The following PLCXD3 variants were observed in gnomAD, a reference collection of about 807,000 sequenced individuals.
PLCXD3 encodes phosphatidylinositol specific phospholipase C X domain containing 3, also known as PI-PLC X domain-containing protein 3.
Under a neutral mutation model 25.5 loss-of-function variants are expected in PLCXD3, and 19 were observed. That is an observed-to-expected ratio of 0.75 (90% CI 0.52 to 1.09). The LOEUF (loss-of-function observed/expected upper bound fraction) is 1.09. Among genes scored for constraint, PLCXD3 ranks in the 50% least tolerant of loss-of-function variants. PLCXD3 has a pLI of 0.00. For synonymous variants in PLCXD3, 174 were observed against 137.6 expected, an observed-to-expected ratio of 1.26 and a Z score of -1.85; for missense variants, 411 against 388.1, an observed-to-expected ratio of 1.06 and a Z score of -0.50.
intron 2 of PLCXD3, among the ~76,000 whole-genome samples, chr5:41,369,036 CAT>C (rs1374758273): frequency 3.3e-5 from 5 of 152,134 alleles, no homozygotes; most frequent in African/African-American, 4.8e-5. Flanking sequence ...TCTGTGGACA[CAT>C]GAGTGATGTG....
chr5:41,466,922 A>G (rs1039886701), intron 1 of PLCXD3, among the ~76,000 whole-genome samples: 3 of 152,112 alleles, frequency 2.0e-5, no homozygotes, highest in African/African-American at 7.2e-5. Flanking sequence ...ATTCTAATGC[A>G]TATATATACC....
intron 2 of PLCXD3, among the ~76,000 whole-genome samples, chr5:41,340,028 G>C (rs1337772995): frequency 1.3e-5 from 2 of 152,164 alleles, no homozygotes; most frequent in African/African-American, 2.4e-5. Context: ...ATGGCTCTCT[G>C]TTTGTGTATG....
chr5:41,439,207 A>C (rs1747325023), intron 1 of PLCXD3, among the ~76,000 whole-genome samples: 1 of 152,186 alleles, frequency 6.6e-6, no homozygotes, highest in African/African-American at 2.4e-5. Flanking sequence ...TTGTCCATAA[A>C]AAAATAGAAG....
intron 1 of PLCXD3, among the ~76,000 whole-genome samples, chr5:41,447,590 C>T (rs1747533887): frequency 6.6e-6 from 1 of 152,182 alleles, no homozygotes; most frequent in Non-Finnish European, 1.5e-5. Flanking sequence ...GTACAGGCAC[C>T]TTGAATAGCC....
At chr5:41,499,565 C>T (rs1053523194) in intron 1 of PLCXD3, among the ~76,000 whole-genome samples, 1 of 151,736 alleles carries the variant, frequency 6.6e-6, no homozygotes, top group African/African-American at 2.4e-5. Flanking sequence ...AATGTTACCA[C>T]TCCCCAAAGG....
chr5:41,442,587 T>C (rs988410804), intron 1 of PLCXD3, among the ~76,000 whole-genome samples: 1 of 152,192 alleles, frequency 6.6e-6, no homozygotes, highest in African/African-American at 2.4e-5. Flanking sequence ...TGAGGTGTTT[T>C]ATGATTTACT....
At chr5:41,486,171 G>A (rs1294366852) in intron 1 of PLCXD3, among the ~76,000 whole-genome samples, 3 of 152,140 alleles carry the variant, frequency 2.0e-5, no homozygotes, top group East Asian at 1.9e-4. Context: ...AGACTTGGGT[G>A]AGTAGATATC....
intron 2 of PLCXD3, among the ~76,000 whole-genome samples, chr5:41,368,266 C>T (rs1309055496): frequency 6.6e-6 from 1 of 151,974 alleles, no homozygotes; most frequent in Non-Finnish European, 1.5e-5. Flanking sequence ...ATATTTGGTT[C>T]AGTCATAATT....
chr5:41,347,692 A>G (rs747860054), intron 2 of PLCXD3, among the ~76,000 whole-genome samples: 7 of 152,040 alleles, frequency 4.6e-5, no homozygotes, highest in Non-Finnish European at 1.0e-4. Context: ...CAGTTTTACT[A>G]TTTTCTCTCT....
At chr5:41,395,138 A>G (rs557709257) in intron 1 of PLCXD3, among the ~76,000 whole-genome samples, 1 of 152,174 alleles carries the variant, frequency 6.6e-6, no homozygotes, top group Non-Finnish European at 1.5e-5. Context: ...CTCTGACCAC[A>G]TTGGAATAAA....
At chr5:41,403,866 C>A (rs960190985) in intron 1 of PLCXD3, among the ~76,000 whole-genome samples, 1 of 151,100 alleles carries the variant, frequency 6.6e-6, no homozygotes, top group Non-Finnish European at 1.5e-5. Context: ...AATAAACATA[C>A]GTGTGCATGT....
chr5:41,324,957 T>C (rs1226475461), intron 2 of PLCXD3, among the ~76,000 whole-genome samples: 1 of 152,064 alleles, frequency 6.6e-6, no homozygotes, highest in Non-Finnish European at 1.5e-5. Context: ...TCATGGGAGG[T>C]TCCTGAGCAA....
intron 1 of PLCXD3, among the ~76,000 whole-genome samples, chr5:41,385,884 TTAA>T (rs1421699283): frequency 6.6e-6 from 1 of 152,080 alleles, no homozygotes; most frequent in Non-Finnish European, 1.5e-5. Context: ...CTGAATCCTG[TTAA>T]CAGCCAATGA....
At chr5:41,352,480 A>G (rs1287510206) in intron 2 of PLCXD3, among the ~76,000 whole-genome samples, 1 of 152,238 alleles carries the variant, frequency 6.6e-6, no homozygotes, top group Non-Finnish European at 1.5e-5. Flanking sequence ...TCAATTAGCA[A>G]CATCTAACAA....
intron 2 of PLCXD3, among the ~76,000 whole-genome samples, chr5:41,313,979 T>C (rs945500579): frequency 3.3e-5 from 5 of 152,204 alleles, no homozygotes; most frequent in African/African-American, 4.8e-5. Context: ...TTGATCCGTA[T>C]TGGAGTTCTC....
At chr5:41,471,078 A>T (rs1325463911) in intron 1 of PLCXD3, among the ~76,000 whole-genome samples, 1 of 152,214 alleles carries the variant, frequency 6.6e-6, no homozygotes, top group Non-Finnish European at 1.5e-5. Flanking sequence ...GGGTCAGTGT[A>T]TAAAAAATTA....
intron 1 of PLCXD3, among the ~76,000 whole-genome samples, chr5:41,483,313 T>C (rs897711848): frequency 3.9e-5 from 6 of 152,134 alleles, no homozygotes; most frequent in Admixed American, 1.3e-4. Flanking sequence ...TGAGTGAGTT[T>C]TGCATTACCT....
rs1449388228 is a variant in PLCXD3, at chr5:41,312,680, C to CTTCCT, written c.*932_*936dup. The stretch of plus-strand genomic sequence containing the variant: ...CCTCCCTTCCTCCCTCCCTTCCTTT[C>CTTCCT]TTCCTTTCCTTCCTTCCTTCCTTCC... On this transcript the variant is annotated 3_prime_UTR_variant, in exon 3 of 3. Transcript: ENST00000377801. 1.9e-5 allele frequency: 2 copies of CTTCCT among 107,248 alleles called. No homozygotes were observed. The highest frequency in any genetic ancestry group is 2.2e-4 in the Admixed American group (2 of 8,978). The allele number at this position is 107,248 out of a possible 1,614,324, so 6.6% of individuals were successfully genotyped here. A position where few individuals can be genotyped will look rare whatever the true frequency, so the allele number is the denominator to read the frequency against.
chr5:41,395,422 A>G (rs1745972897), intron 1 of PLCXD3, among the ~76,000 whole-genome samples: 1 of 152,102 alleles, frequency 6.6e-6, no homozygotes, highest in Admixed American at 6.5e-5. Flanking sequence ...CTAGAAAAGT[A>G]TGAAAAAACA....
Sources: allele counts gnomAD v4.1 joint callset (sites outside exome capture counted in the v4.1 genomes callset), GRCh38; gene constraint gnomAD v4.1.1; transcripts MANE v1.5; gene names NCBI Gene and HGNC (gene_info 2026-07-23, HGNC 2026-07-21).